Variants in GCNT4 observed in about 807,000 individuals in gnomAD.
GCNT4 encodes glucosaminyl (N-acetyl) transferase 4, also known as beta-1,3-galactosyl-O-glycosyl-glycoprotein beta-1,6-N-acetylglucosaminyltransferase 4.
A neutral mutation model predicts 31.3 loss-of-function variants in GCNT4; 17 were observed. That is an observed-to-expected ratio of 0.54 (90% CI 0.37 to 0.81). The LOEUF (loss-of-function observed/expected upper bound fraction) is 0.81. Among genes scored for constraint, GCNT4 ranks in the 40% least tolerant of loss-of-function variants. The pLI is 0.00. For synonymous variants in GCNT4, 158 were observed against 190.6 expected (o/e 0.83, Z 1.41); for missense variants, 503 against 525.5 (o/e 0.96, Z 0.42).
intron 3 of GCNT4, among the ~76,000 whole-genome samples, chr5:75,043,114 C>T (rs1561377450): frequency 6.6e-6 from 1 of 152,138 alleles, no homozygotes; most frequent in South Asian, 2.1e-4. Context: ...TTTCTCAATA[C>T]GTAGGTTTTA....
intron 2 of GCNT4, among the ~76,000 whole-genome samples, chr5:75,051,365 G>C (rs1035440633): frequency 6.6e-6 from 1 of 152,232 alleles, no homozygotes; most frequent in African/African-American, 2.4e-5. Flanking sequence ...CAGGTGGCCT[G>C]AAGAACTCAC....
rs114502147 is a variant in GCNT4, at chr5:75,051,965, G to A, written c.-143+204C>T. ...AACTGGTCATTTCTCACACAAAATTGGATCCTTAGAAAGTGCAACATAGGA... is the reference window on the plus strand; with the variant it reads ...AACTGGTCATTTCTCACACAAAATTAGATCCTTAGAAAGTGCAACATAGGA... On this transcript the variant is annotated intron_variant, in intron 2 of 3. Transcript: ENST00000652361. 4.1e-3 allele frequency among the ~76,000 whole-genome samples: 618 copies of A among 152,150 alleles called. 3 individuals carry two copies. The highest frequency in any genetic ancestry group is 0.013 in the African/African-American group (558 of 41,472).
chr5:75,046,104 G>A (rs888641238), intron 3 of GCNT4, among the ~76,000 whole-genome samples: 5 of 152,008 alleles, frequency 3.3e-5, no homozygotes, highest in African/African-American at 1.2e-4. Flanking sequence ...TTCCATTAAT[G>A]TTTTTTTCAC....
At chr5:75,046,964 G>T (rs1383015493) in intron 3 of GCNT4, among the ~76,000 whole-genome samples, 7 of 152,216 alleles carry the variant, frequency 4.6e-5, no homozygotes, top group Non-Finnish European at 7.3e-5. Context: ...AGGACAGAAA[G>T]CTGTGGCTGA....
intron 3 of GCNT4, chr5:75,031,046 T>G (rs1487625837): frequency 6.3e-6 from 1 of 159,190 alleles, no homozygotes; most frequent in Non-Finnish European, 1.5e-5. Flanking sequence ...TGTCTATACA[T>G]ACAAAGAACA....
rs7714420 is a variant in GCNT4 at position 75,044,502 on chromosome 5, A to T, written c.-2+3395T>A. Among the ~76,000 whole-genome samples, 219 of 151,208 alleles carry T rather than the reference A, an allele frequency of 1.4e-3. 2 individuals are homozygous for T. In the East Asian group the frequency reaches 0.035, roughly 24 times the overall value. Reference sequence around the variant, plus strand: ...AAAGAGGAACAAGGGCACTGACTCAAACGGTTACTGCGATGACTAAATGAG... The same window carrying T: ...AAAGAGGAACAAGGGCACTGACTCATACGGTTACTGCGATGACTAAATGAG... On this transcript the variant is annotated intron_variant, in intron 3 of 3. Coordinates refer to ENST00000652361, the MANE Select transcript of GCNT4 (RefSeq NM_001366737.1).
At chr5:75,042,191 A>G (rs1431030251) in intron 3 of GCNT4, among the ~76,000 whole-genome samples, 1 of 152,208 alleles carries the variant, frequency 6.6e-6, no homozygotes, top group Non-Finnish European at 1.5e-5. Flanking sequence ...AGCTTGACAC[A>G]ACATAAAGCC....
At chr5:75,053,597 G>T (rs914639931), upstream of GCNT4, among the ~76,000 whole-genome samples, 3 of 152,098 alleles carry the variant, frequency 2.0e-5, no homozygotes, top group African/African-American at 4.8e-5. Flanking sequence ...TGCGCTCTGG[G>T]TTCCCAGGCT....
At chr5:75,050,402 T>C (rs763063365) in intron 2 of GCNT4, among the ~76,000 whole-genome samples, 7 of 152,102 alleles carry the variant, frequency 4.6e-5, no homozygotes, top group Non-Finnish European at 1.0e-4. Flanking sequence ...CACATATGTC[T>C]AAGGCTCCCT....
intron 2 of GCNT4, among the ~76,000 whole-genome samples, chr5:75,049,470 G>T (rs564413223): frequency 6.6e-6 from 1 of 152,250 alleles, no homozygotes; most frequent in South Asian, 2.1e-4. Context: ...AGATCTATTA[G>T]GATGGAAACG....
chr5:75,033,493 G>C (rs1315815288), intron 3 of GCNT4, among the ~76,000 whole-genome samples: 1 of 152,090 alleles, frequency 6.6e-6, no homozygotes, highest in Non-Finnish European at 1.5e-5. Context: ...CAGGCACCTC[G>C]CTTTCTGATA....
At chr5:75,021,509 A>G (rs137884090), downstream of GCNT4, among the ~76,000 whole-genome samples, 260 of 152,310 alleles carry the variant, frequency 1.7e-3, no homozygotes, top group African/African-American at 4.8e-3. Context: ...CTGGGATGGA[A>G]GAAGGGCTGA....
the GCNT4 span, among the ~76,000 whole-genome samples, chr5:75,019,849 A>T: frequency 6.6e-6 from 1 of 152,232 alleles, no homozygotes; most frequent in Non-Finnish European, 1.5e-5. Flanking sequence ...AATGAGAGTA[A>T]GATCACTTAC....
Position 75,037,429 on chromosome 5 carries a change from G to A in GCNT4, c.-1-7391C>T, listed in dbSNP as rs1468055093. ...GCAAATAATAATCAGATTGTGAGCA[G>A]GTAAACATACCAACTATGCAAAACA... On this transcript the variant is annotated intron_variant, in intron 3 of 3. Transcript: ENST00000652361. Among the ~76,000 whole-genome samples the A allele has an allele frequency of 3.9e-5, 6 of 152,098 alleles. No homozygotes were observed. The South Asian group carries it at 1.0e-3, about 26-fold the overall frequency.
chr5:75,029,954 C>T lies in GCNT4; in HGVS notation c.84G>A (p.Leu28=), dbSNP rs1381205018. 6.2e-7 allele frequency: 1 copy of T among 1,613,892 alleles called. No homozygotes were observed. The highest frequency in any genetic ancestry group is 8.5e-7 in the Non-Finnish European group (1 of 1,179,992). The change falls in exon 4 of 4, where the codon TTG becomes TTA. Residue 28 remains leucine (L), a synonymous_variant. Coordinates refer to ENST00000652361, the MANE Select transcript of GCNT4 (RefSeq NM_001366737.1). ...ILFLTLWLLS[L]LKLLNVRRLF... ...GTCGTCTCACATTTAGAAGCTTTAACAAAGAGAGCAGCCATAGGGTTAAAA... is the reference window on the plus strand; with the variant it reads ...GTCGTCTCACATTTAGAAGCTTTAATAAAGAGAGCAGCCATAGGGTTAAAA...
At chr5:75,031,956 T>C (rs557909907) in intron 3 of GCNT4, among the ~76,000 whole-genome samples, 1 of 152,314 alleles carries the variant, frequency 6.6e-6, no homozygotes, top group Non-Finnish European at 1.5e-5. Context: ...AAGACAATCA[T>C]TGTATCCAAT....
intron 3 of GCNT4, among the ~76,000 whole-genome samples, chr5:75,032,426 T>A (rs960007363): frequency 6.6e-6 from 1 of 152,086 alleles, no homozygotes; most frequent in Admixed American, 6.6e-5. Flanking sequence ...CTCGCCTGCG[T>A]CTTCTGTCTC....
At chr5:75,019,496 C>T in the GCNT4 span, among the ~76,000 whole-genome samples, 43 of 152,300 alleles carry the variant, frequency 2.8e-4, no homozygotes, top group Middle Eastern at 3.4e-3. Context: ...GGTATAGCAA[C>T]GAAGAGCTTG....
At chr5:75,022,591 C>T (rs73765637), downstream of GCNT4, among the ~76,000 whole-genome samples, 1,232 of 152,190 alleles carry the variant, frequency 8.1e-3, 13 homozygotes, top group African/African-American at 0.028. Context: ...GAGGGAAAGG[C>T]GGGGAGCAAT....
Sources: allele counts gnomAD v4.1 joint callset (sites outside exome capture counted in the v4.1 genomes callset), GRCh38; gene constraint gnomAD v4.1.1; transcripts MANE v1.5; gene names NCBI Gene and HGNC (gene_info 2026-07-23, HGNC 2026-07-21).